Variants in PAN3 observed in about 807,000 individuals in gnomAD.
PAN3 encodes the protein poly(A) specific ribonuclease subunit PAN3.
A neutral mutation model predicts 96.2 loss-of-function variants in PAN3; 19 were observed. The observed-to-expected ratio is 0.20, with a 90% confidence interval of 0.14 to 0.29. The LOEUF (loss-of-function observed/expected upper bound fraction) is 0.29. Ranked by LOEUF, PAN3 falls within the 10% of genes least tolerant of loss-of-function variation. PAN3 has a pLI of 1.00. For missense variants in PAN3, 882 were observed against 1,108.1 expected (o/e 0.80, Z 2.90); for synonymous variants, 433 against 406.6 (o/e 1.06, Z -0.78).
At chr13:28,169,270 C>T (rs1873996002) in intron 1 of PAN3, among the ~76,000 whole-genome samples, 2 of 118,742 alleles carry the variant, frequency 1.7e-5, no homozygotes, top group Non-Finnish European at 1.6e-5. Flanking sequence ...GCTCTTGTTG[C>T]CCAGGCTGAA....
At chr13:28,238,192 G>C (rs1566215359) in intron 6 of PAN3, among the ~76,000 whole-genome samples, 1 of 152,190 alleles carries the variant, frequency 6.6e-6, no homozygotes, top group Admixed American at 6.5e-5. Flanking sequence ...AGGCTGGAAG[G>C]CTGCAGCACT....
intron 1 of PAN3, among the ~76,000 whole-genome samples, chr13:28,163,734 G>GT (rs1169088013): frequency 1.3e-5 from 2 of 152,258 alleles, no homozygotes; most frequent in South Asian, 4.2e-4. Context: ...GTATATCATT[G>GT]TAACTGGAGG....
intron 1 of PAN3, among the ~76,000 whole-genome samples, chr13:28,149,097 G>A (rs945776034): frequency 6.6e-6 from 1 of 152,018 alleles, no homozygotes; most frequent in African/African-American, 2.4e-5. Flanking sequence ...ACTCATACCT[G>A]TAATCCTAGT....
rs141162222 is a variant in PAN3, at chr13:28,154,377, G to A, written c.430+15290G>A. Among the ~76,000 whole-genome samples the A allele has an allele frequency of 4.6e-3, 698 of 152,024 alleles. 3 individuals are homozygous for A. Among genetic ancestry groups the A allele is most frequent in the Non-Finnish European group, 7.8e-3 (529 of 67,956 alleles). On this transcript the variant is annotated intron_variant, in intron 1 of 18. Coordinates refer to ENST00000380958, the MANE Select transcript of PAN3 (RefSeq NM_175854.8). Reference sequence around the variant, plus strand: ...TTGATTCATCTAAAATTTCTGTTTCGGGATTTTTTGGTTTTTTTTTTCTTA... The same window carrying A: ...TTGATTCATCTAAAATTTCTGTTTCAGGATTTTTTGGTTTTTTTTTTCTTA...
chr13:28,166,052 C>T (rs1346505993), intron 1 of PAN3, among the ~76,000 whole-genome samples: 1 of 152,146 alleles, frequency 6.6e-6, no homozygotes, highest in East Asian at 1.9e-4. Context: ...GTCTTTGTCA[C>T]ATGCAAAAAA....
intron 6 of PAN3, among the ~76,000 whole-genome samples, chr13:28,238,415 G>C (rs995056355): frequency 6.6e-6 from 1 of 152,114 alleles, no homozygotes; most frequent in Non-Finnish European, 1.5e-5. Context: ...AAACAAAAAA[G>C]ACACTTAACC....
intron 4 of PAN3, among the ~76,000 whole-genome samples, chr13:28,180,010 T>G (rs1309522180): frequency 6.6e-6 from 1 of 152,142 alleles, no homozygotes; most frequent in Non-Finnish European, 1.5e-5. Flanking sequence ...ACCTAAATAT[T>G]TGGAGAGATA....
At chr13:28,263,457 C>T (rs1885904055) in intron 9 of PAN3, among the ~76,000 whole-genome samples, 1 of 152,212 alleles carries the variant, frequency 6.6e-6, no homozygotes, top group South Asian at 2.1e-4. Context: ...TTCAGCCTCC[C>T]AAGTAGCTGG....
intron 4 of PAN3, among the ~76,000 whole-genome samples, chr13:28,180,882 T>C (rs764980480): frequency 9.9e-5 from 15 of 152,198 alleles, no homozygotes; most frequent in Admixed American, 2.0e-4. Flanking sequence ...TTAAATCTAA[T>C]TGGAGATGCA....
chr13:28,208,830 G>A (rs1351659142), intron 5 of PAN3, among the ~76,000 whole-genome samples: 1 of 152,036 alleles, frequency 6.6e-6, no homozygotes, highest in Non-Finnish European at 1.5e-5. Flanking sequence ...GAATTCTTAC[G>A]ATAATTCCAT....
At chr13:28,245,526 A>G (rs1884097457) in intron 6 of PAN3, among the ~76,000 whole-genome samples, 1 of 152,078 alleles carries the variant, frequency 6.6e-6, no homozygotes, top group African/African-American at 2.4e-5. Flanking sequence ...TCATTGAGAT[A>G]TAATTCACAT....
At chr13:28,215,642 G>C in intron 5 of PAN3, 1 of 1,321,610 alleles carries the variant, frequency 7.6e-7, no homozygotes, top group Admixed American at 2.0e-5. Context: ...TGAAGGTAAA[G>C]ATTTATTGCC....
intron 1 of PAN3, among the ~76,000 whole-genome samples, chr13:28,154,473 G>A (rs1871827959): frequency 6.6e-6 from 1 of 151,868 alleles, no homozygotes; most frequent in African/African-American, 2.4e-5. Flanking sequence ...TTGCCAGATA[G>A]ACCTTGCAGT....
chr13:28,239,490 TGGACCCAG>T lies in PAN3; in HGVS notation c.1001-16801_1001-16794del. ...TTGAAAGGAAGTTGAACTATTTTTTTGGACCCAGTAAGTTTGTCCTTTCCACTTGGGTG... is the reference window on the plus strand; with the variant it reads ...TTGAAAGGAAGTTGAACTATTTTTTTTAAGTTTGTCCTTTCCACTTGGGTG... On this transcript the variant is annotated intron_variant, in intron 6 of 18. Transcript: ENST00000380958. The T allele has an allele frequency of 4.9e-6, 3 of 606,546 alleles. No individual in the cohort carries two copies. The Admixed American group carries it at 1.1e-4, about 21-fold the overall frequency. The allele number at this position is 606,546 out of a possible 1,614,324, so 37.6% of individuals were successfully genotyped here. A position where few individuals can be genotyped will look rare whatever the true frequency, so the allele number is the denominator to read the frequency against.
intron 1 of PAN3, among the ~76,000 whole-genome samples, chr13:28,150,074 C>T (rs1336172948): frequency 6.6e-6 from 1 of 152,000 alleles, no homozygotes; most frequent in East Asian, 1.9e-4. Flanking sequence ...ACTGATGTTC[C>T]TGAATTTGAT....
chr13:28,282,693 T>G (rs1461487619), intron 17 of PAN3, among the ~76,000 whole-genome samples: 1 of 152,170 alleles, frequency 6.6e-6, no homozygotes, highest in African/African-American at 2.4e-5. Flanking sequence ...ATCAGTTCCT[T>G]TTTTTCCCTC....
chr13:28,178,244 C>T (rs1875306029), intron 4 of PAN3, among the ~76,000 whole-genome samples: 1 of 151,946 alleles, frequency 6.6e-6, no homozygotes. Flanking sequence ...TTAATGTGAC[C>T]CATTGTAAGC....
intron 6 of PAN3, among the ~76,000 whole-genome samples, chr13:28,227,853 A>G (rs754484092): frequency 1.5e-4 from 23 of 152,138 alleles, no homozygotes; most frequent in Non-Finnish European, 2.9e-4. Flanking sequence ...ATAGGTGGAG[A>G]TGAGGGGAGT....
chr13:28,250,201 CTT>C (rs532825277), intron 6 of PAN3, among the ~76,000 whole-genome samples: 13 of 142,940 alleles, frequency 9.1e-5, no homozygotes, highest in Admixed American at 2.8e-4. Flanking sequence ...GCTCAGAACT[CTT>C]TTTTTTTTTT....
Sources: gnomAD v4.1 joint callset for allele counts (sites outside exome capture counted in the v4.1 genomes callset) on GRCh38, gnomAD v4.1.1 for gene constraint, MANE v1.5 for transcripts, NCBI Gene and HGNC (gene_info 2026-07-23, HGNC 2026-07-21) for gene names.